Variants in LCOR observed in about 807,000 individuals in gnomAD.
LCOR encodes the protein ligand dependent nuclear receptor corepressor.
A neutral mutation model predicts 64.4 loss-of-function variants in LCOR; 14 were observed. The observed-to-expected ratio is 0.22, with a 90% CI of 0.14 to 0.34. The LOEUF is 0.34. Among genes scored for constraint, LCOR ranks in the 10% least tolerant of loss-of-function variants. The probability of loss-of-function intolerance (pLI) is 1.00; values close to 1 mark genes in which losing one functional copy is unlikely to be tolerated. For missense variants in LCOR, 1,686 were observed against 1,765.3 expected (o/e 0.96, Z 0.80); for synonymous variants, 643 against 642.5 (o/e 1.00, Z -0.01).
chr10:96,859,145 A>C (rs1227841778), intron 2 of LCOR, among the ~76,000 whole-genome samples: 1 of 152,038 alleles, frequency 6.6e-6, no homozygotes, highest in Non-Finnish European at 1.5e-5. Context: ...GTTTTAACTG[A>C]TATCATCAGG....
chr10:96,870,182 C>G (rs1846049264), intron 2 of LCOR, among the ~76,000 whole-genome samples: 1 of 151,588 alleles, frequency 6.6e-6, no homozygotes, highest in Admixed American at 6.6e-5. Flanking sequence ...GCCACCACGC[C>G]CGGCTAATTT....
At chr10:96,968,349 T>G (rs1220949794) in intron 7 of LCOR, among the ~76,000 whole-genome samples, 1 of 152,232 alleles carries the variant, frequency 6.6e-6, no homozygotes, top group African/African-American at 2.4e-5. Context: ...CAAGCTAGAA[T>G]TAGAATTAGG....
At chr10:96,868,032 G>T (rs868730859) in intron 2 of LCOR, among the ~76,000 whole-genome samples, 3 of 148,536 alleles carry the variant, frequency 2.0e-5, no homozygotes, top group Middle Eastern at 3.6e-3. Context: ...TTACAGGCAT[G>T]CACCACCGTG....
chr10:96,903,126 C>T (rs1004010395), intron 2 of LCOR, among the ~76,000 whole-genome samples: 1 of 152,096 alleles, frequency 6.6e-6, no homozygotes, highest in Non-Finnish European at 1.5e-5. Context: ...GGATAGGGCA[C>T]TTACCATAAA....
chr10:96,936,969 C>A (rs931574844), intron 4 of LCOR, among the ~76,000 whole-genome samples: 1 of 152,154 alleles, frequency 6.6e-6, no homozygotes, highest in African/African-American at 2.4e-5. Context: ...TATTCTCTCT[C>A]TTTTCTCAAA....
intron 7 of LCOR, chr10:96,955,999 C>A: frequency 6.6e-7 from 1 of 1,522,482 alleles, no homozygotes; most frequent in Non-Finnish European, 8.8e-7. Context: ...ATTGCTTGCA[C>A]GTAATTTCAT....
chr10:96,839,568 T>G (rs1845503640), intron 2 of LCOR, among the ~76,000 whole-genome samples: 1 of 152,184 alleles, frequency 6.6e-6, no homozygotes, highest in Non-Finnish European at 1.5e-5. Context: ...CTGAGTTTAG[T>G]GAGAATTTGG....
At chr10:96,931,526 C>T (rs748910866) in intron 4 of LCOR, among the ~76,000 whole-genome samples, 22 of 152,088 alleles carry the variant, frequency 1.4e-4, no homozygotes, top group Non-Finnish European at 2.5e-4. Flanking sequence ...TGAGCCACTG[C>T]GCCTGGCAGC....
chr10:96,871,796 TTCA>T (rs1263629484), intron 2 of LCOR, among the ~76,000 whole-genome samples: 3 of 152,028 alleles, frequency 2.0e-5, no homozygotes, highest in Admixed American at 6.6e-5. Context: ...GCTACAGTAG[TTCA>T]TCAGTTATTG....
Position 96,989,697 on chromosome 10 carries a change from T to TATATATATATATATATATA in LCOR, c.*4563_*4564insATATATATATATATATATA, listed in dbSNP as rs1564647797. ...AGGATATATATATATATATATATAT[T>TATATATATATATATATATA]TTTTTTTTTTTTTTTTTTTTTTAAT... On this transcript the variant is annotated 3_prime_UTR_variant, in exon 8 of 8. Transcript: ENST00000421806. 1.9e-4 allele frequency: 9 copies of TATATATATATATATATATA among 47,136 alleles called. No homozygotes were observed. The highest frequency in any genetic ancestry group is 9.3e-4 in the African/African-American group (8 of 8,606). 2.9% of individuals were successfully genotyped at this position (47,136 alleles called of 1,614,324 possible).
chr10:96,967,192 C>T (rs939714946), intron 7 of LCOR, among the ~76,000 whole-genome samples: 3 of 152,020 alleles, frequency 2.0e-5, no homozygotes, highest in Admixed American at 6.6e-5. Flanking sequence ...TGCAGTGGTG[C>T]GATCTCGGCT....
At chr10:96,886,645 T>G (rs953685084) in intron 2 of LCOR, among the ~76,000 whole-genome samples, 1 of 151,126 alleles carries the variant, frequency 6.6e-6, no homozygotes, top group Non-Finnish European at 1.5e-5. Context: ...TAATTTGGGT[T>G]GTTTTTTCCT....
chr10:96,903,397 C>T (rs557641427), intron 2 of LCOR, among the ~76,000 whole-genome samples: 99 of 152,202 alleles, frequency 6.5e-4, no homozygotes, highest in Middle Eastern at 3.4e-3. Context: ...ACTAAAACAT[C>T]GTTGTGTGGC....
intron 7 of LCOR, among the ~76,000 whole-genome samples, chr10:96,977,804 C>T (rs1408519597): frequency 6.6e-6 from 1 of 152,164 alleles, no homozygotes; most frequent in African/African-American, 2.4e-5. Flanking sequence ...TCCCAGGTAG[C>T]TGGGACTGCA....
rs756207119 is a variant in LCOR at position 96,982,954 on chromosome 10, A to G, written c.2494A>G (p.Arg832Gly). 2 of 1,613,224 alleles carry G rather than the reference A, an allele frequency of 1.2e-6. No homozygotes were observed. Among genetic ancestry groups the G allele is most frequent in the South Asian group, 2.2e-5 (2 of 90,860 alleles). ...TTCTTCCTCTGCTGACAGATGCCTAAGAAATCAGAGTTCAGATTCTTCCTC... is the reference window on the plus strand; with the variant it reads ...TTCTTCCTCTGCTGACAGATGCCTAGGAAATCAGAGTTCAGATTCTTCCTC... ...SDSSSADRCL[R>G]NQSSDSSSAC... Residue 832 changes from arginine (R) to glycine (G), a missense_variant, in exon 8 of 8, where the codon AGA (arginine) becomes GGA (glycine). Coordinates refer to ENST00000421806, the MANE Select transcript of LCOR (RefSeq NM_001346516.2).
rs1323941936 is a variant in LCOR, at chr10:96,984,100, A to G, written c.3640A>G (p.Lys1214Glu). 3.7e-6 allele frequency: 6 copies of G among 1,614,052 alleles called. No individual in the cohort carries two copies. The highest frequency in any genetic ancestry group is 1.7e-5 in the Admixed American group (1 of 59,998). The change falls in exon 8 of 8, where the codon AAG becomes GAG. Residue 1214 changes from lysine (K) to glutamate (E), a missense_variant. By Grantham distance (56) the Lys-to-Glu change is moderately conservative. Transcript: ENST00000421806. ...CCTTCCAGGAGACGTTCCCCCTGTCAAGCATCCTCTTCAGAAATACGCTCC... is the reference window on the plus strand; with the variant it reads ...CCTTCCAGGAGACGTTCCCCCTGTCGAGCATCCTCTTCAGAAATACGCTCC... Reference protein sequence around the residue: ...TRLPGDVPPVKHPLQKYAPSS... With the variant: ...TRLPGDVPPVEHPLQKYAPSS...
At chr10:96,855,901 C>G (rs1219044131) in intron 2 of LCOR, among the ~76,000 whole-genome samples, 1 of 151,062 alleles carries the variant, frequency 6.6e-6, no homozygotes, top group Non-Finnish European at 1.5e-5. Context: ...ACCACCATGC[C>G]CGGCTAATTT....
chr10:96,852,197 G>A (rs544887647), intron 2 of LCOR, among the ~76,000 whole-genome samples: 2 of 152,176 alleles, frequency 1.3e-5, no homozygotes, highest in African/African-American at 2.4e-5. Flanking sequence ...TGGGAGGATC[G>A]CTTGAGCCCA....
chr10:96,924,338 G>A (rs1055549443), intron 4 of LCOR, among the ~76,000 whole-genome samples: 1 of 152,146 alleles, frequency 6.6e-6, no homozygotes, highest in Non-Finnish European at 1.5e-5. Flanking sequence ...AAGTAGCTGG[G>A]ACTGCAGGCG....
Sources: allele counts gnomAD v4.1 joint callset (sites outside exome capture counted in the v4.1 genomes callset), GRCh38; gene constraint gnomAD v4.1.1; transcripts MANE v1.5; gene names NCBI Gene and HGNC (gene_info 2026-07-23, HGNC 2026-07-21).